CD1A: variants seen among roughly 807,000 people sequenced by gnomAD.
The protein encoded by CD1A is T-cell surface glycoprotein CD1a.
Under a neutral mutation model 38.3 loss-of-function variants are expected in CD1A, and 50 were observed. That is an observed-to-expected ratio of 1.30 (90% confidence interval 1.04 to 1.65). The LOEUF is 1.65. Among genes scored for constraint, CD1A ranks in the 40% most tolerant of loss-of-function variants. The pLI is 0.00. For missense variants in CD1A, 459 were observed against 406.1 expected, an observed-to-expected ratio of 1.13 and a Z score of -1.12; for synonymous variants, 160 against 150.8, an observed-to-expected ratio of 1.06 and a Z score of -0.45.
Position 158,257,440 on chromosome 1 carries a change from C to G in CD1A, c.903C>G (p.Gly301=). Residue 301 remains glycine, a synonymous_variant, in exon 5 of 6, where the codon GGC becomes GGG. Coordinates refer to ENST00000289429, the MANE Select transcript of CD1A (RefSeq NM_001763.3). ...TCACAGAGCATCACAGTTCCGTGGG[C>G]TTCATCATCTTGGCGGTGATAGTGC... ...VLYWEHHSSV[G]FIILAVIVPL... The G allele has an allele frequency of 6.2e-7, 1 of 1,613,966 alleles. No homozygotes were observed. Among genetic ancestry groups the G allele is most frequent in the Non-Finnish European group, 8.5e-7 (1 of 1,179,822 alleles).
At chr1:158,252,765 G>A (rs1194191288), upstream of CD1A, among the ~76,000 whole-genome samples, 1 of 152,052 alleles carries the variant, frequency 6.6e-6, no homozygotes, top group African/African-American at 2.4e-5. Flanking sequence ...AGGCATGGTG[G>A]TGCATACCTG....
In CD1A at chr1:158,258,079, A is replaced by G; in HGVS notation, c.*389A>G. 1 of 189,142 alleles carries G rather than the reference A, an allele frequency of 5.3e-6. No homozygotes were observed. Among genetic ancestry groups the G allele is most frequent in the Non-Finnish European group, 1.1e-5 (1 of 90,742 alleles). 11.7% of individuals were successfully genotyped at this position (189,142 alleles called of 1,614,324 possible). A position where few individuals can be genotyped will look rare whatever the true frequency, so the allele number is the denominator to read the frequency against. ...CTGGTCTGAACTCCCGCCACATTTT[A>G]GCCGTACTTTGCTAACTGTGCTCCT... On this transcript the variant is annotated 3_prime_UTR_variant, in exon 6 of 6. Coordinates refer to ENST00000289429, the MANE Select transcript of CD1A (RefSeq NM_001763.3).
rs2269714 is a variant in CD1A, at chr1:158,255,114, C to A, written c.89C>A (p.Thr30Asn). 8.1e-6 allele frequency: 13 copies of A among 1,613,862 alleles called. No individual in the cohort carries two copies. Among genetic ancestry groups the A allele is most frequent in the African/African-American group, 1.3e-5 (1 of 74,856 alleles). The change falls in exon 2 of 6, where the codon ACC (threonine) becomes AAC (asparagine). Residue 30 changes from threonine to asparagine, a missense_variant. Coordinates refer to ENST00000289429, the MANE Select transcript of CD1A (RefSeq NM_001763.3). ...AAGGAGCCTCTCTCCTTCCATGTCA[C>A]CTGGATCGCATCCTTTTACAACCAT... ...GLKEPLSFHV[T>N]WIASFYNHSW... is the part of the protein sequence containing the mutation.
chr1:158,254,785 C>CTG (rs55696033), intron 1 of CD1A, 58 bp downstream of exon 1: 7,844 of 681,196 alleles, frequency 0.012, 84 homozygotes, highest in Non-Finnish European at 0.015. Flanking sequence ...CTCTCTCTCT[C>CTG]TGTGTGTGTG....
intron 2 of CD1A, among the ~76,000 whole-genome samples, chr1:158,255,697 A>C (rs937377813): frequency 1.3e-5 from 2 of 152,108 alleles, no homozygotes; most frequent in Admixed American, 6.5e-5. Context: ...TATATACTCA[A>C]TTGTAACCCA....
chr1:158,255,049 T>C (rs1361420642), intron 1 of CD1A, 35 bp from the exon 2 acceptor site: 1 of 1,605,552 alleles, frequency 6.2e-7, no homozygotes, highest in Non-Finnish European at 8.5e-7. Flanking sequence ...TTTCTCAATG[T>C]CTTTCTCCCC....
chr1:158,255,546 G>T (rs1453344589), intron 2 of CD1A, among the ~76,000 whole-genome samples, 196 bp downstream of exon 2: 1 of 152,070 alleles, frequency 6.6e-6, no homozygotes, highest in Non-Finnish European at 1.5e-5. Flanking sequence ...TGCTACTTAT[G>T]AACTCCTCTC....
upstream of CD1A, among the ~76,000 whole-genome samples, chr1:158,251,870 T>C (rs77096727): frequency 6.6e-6 from 1 of 152,162 alleles, no homozygotes. Context: ...CTTTTTTTTT[T>C]CTTTTAGATG....
upstream of CD1A, among the ~76,000 whole-genome samples, chr1:158,250,333 T>G (rs1286247153): frequency 1.3e-5 from 2 of 151,994 alleles, no homozygotes; most frequent in Non-Finnish European, 2.9e-5. Flanking sequence ...CTCACACAAG[T>G]TTTTTTTGGC....
rs1650177051 is a variant in CD1A at position 158,254,610 on chromosome 1, T to C, written c.-60T>C. On this transcript the variant is annotated 5_prime_UTR_variant, in exon 1 of 6. Coordinates refer to ENST00000289429, the MANE Select transcript of CD1A (RefSeq NM_001763.3). ...ATAGAGATATCGTGGGGTAGGTTTG[T>C]TTGGAACAGAAATCAAAGACCAATT... 2.5e-6 allele frequency: 4 copies of C among 1,612,770 alleles called. No individual in the cohort carries two copies. The highest frequency in any genetic ancestry group is 2.2e-5 in the South Asian group (2 of 90,978).
chr1:158,254,833 G>A, intron 1 of CD1A, 106 bp downstream of exon 1: 4 of 742,732 alleles, frequency 5.4e-6, no homozygotes, highest in Non-Finnish European at 8.9e-6. Context: ...GTGTGTGTGT[G>A]GTTTCCCTAG....
chr1:158,250,749 C>T (rs539175053), upstream of CD1A, among the ~76,000 whole-genome samples: 7 of 152,298 alleles, frequency 4.6e-5, no homozygotes, highest in Middle Eastern at 0.017. Context: ...AGCTTTAGTG[C>T]CCTCATTTTG....
At chr1:158,252,641 A>T (rs376228903), upstream of CD1A, among the ~76,000 whole-genome samples, 16 of 151,194 alleles carry the variant, frequency 1.1e-4, no homozygotes, top group East Asian at 9.8e-4. Flanking sequence ...ACTTTAAAAA[A>T]ATTATCTGTA....
chr1:158,257,331 AAAG>A, intron 4 of CD1A, 87 bp from the exon 5 acceptor site: 3 of 1,078,648 alleles, frequency 2.8e-6, no homozygotes, highest in Non-Finnish European at 4.2e-6. Flanking sequence ...CAAATGAAAA[AAAG>A]AAGCCCAGGG....
intron 3 of CD1A, among the ~76,000 whole-genome samples, 163 bp downstream of exon 3, chr1:158,256,445 G>A (rs1007850492): frequency 3.9e-5 from 6 of 152,084 alleles, no homozygotes; most frequent in African/African-American, 1.4e-4. Flanking sequence ...GAGGCTGGAG[G>A]ACTTCTTAAG....
At chr1:158,249,063 T>C in the CD1A span, among the ~76,000 whole-genome samples, 5 of 152,228 alleles carry the variant, frequency 3.3e-5, no homozygotes, top group Admixed American at 6.5e-5. Flanking sequence ...ATTTCCCTGG[T>C]GTTTCTGATC....
chr1:158,250,727 T>A (rs1000356398), upstream of CD1A, among the ~76,000 whole-genome samples: 1 of 152,178 alleles, frequency 6.6e-6, no homozygotes, highest in African/African-American at 2.4e-5. Context: ...GAAACATTTG[T>A]GTGTGTATGC....
chr1:158,256,523 A>G (rs1158309763), intron 3 of CD1A, among the ~76,000 whole-genome samples: 2 of 152,078 alleles, frequency 1.3e-5, no homozygotes, highest in Non-Finnish European at 2.9e-5. Context: ...AAAATAAGTT[A>G]GCCAGTCATG....
At chr1:158,248,364 G>C in the CD1A span, 1 of 985,098 alleles carries the variant, frequency 1.0e-6, no homozygotes, top group Non-Finnish European at 1.2e-6. Flanking sequence ...GAGCTTCAAT[G>C]GGGAAGGAAG....
Sources: allele counts gnomAD v4.1 joint callset (sites outside exome capture counted in the v4.1 genomes callset), GRCh38; gene constraint gnomAD v4.1.1; transcripts MANE v1.5; gene names NCBI Gene and HGNC (gene_info 2026-07-23, HGNC 2026-07-21).